CLASP1: variants seen among roughly 807,000 people sequenced by gnomAD.
CLASP1 encodes the protein cytoplasmic linker associated protein 1, also known as CLIP-associating protein 1.
A neutral mutation model predicts 192.3 loss-of-function variants in CLASP1; 38 were observed. That is an observed-to-expected ratio of 0.20 (90% CI 0.15 to 0.26). CLASP1 has a LOEUF of 0.26. Among genes scored for constraint, CLASP1 ranks in the 10% least tolerant of loss-of-function variants. The probability of loss-of-function intolerance (pLI) is 1.00; values close to 1 mark genes in which losing one functional copy is unlikely to be tolerated. For missense variants in CLASP1, 1,433 were observed against 1,932.5 expected (o/e 0.74, Z 4.85); for synonymous variants, 691 against 712.8 (o/e 0.97, Z 0.49).
chr2:121,371,897 C>T (rs925490239), intron 34 of CLASP1, among the ~76,000 whole-genome samples: 7 of 152,194 alleles, frequency 4.6e-5, no homozygotes, highest in African/African-American at 1.7e-4. Context: ...TATTTCTCTC[C>T]AGTTTGTTCC....
chr2:121,566,876 G>C (rs571866934), intron 2 of CLASP1, among the ~76,000 whole-genome samples: 1 of 152,246 alleles, frequency 6.6e-6, no homozygotes, highest in Admixed American at 6.5e-5. Flanking sequence ...GAACACCCTA[G>C]AAGCCTGCTC....
intron 2 of CLASP1, among the ~76,000 whole-genome samples, chr2:121,543,147 C>T (rs1440574530): frequency 6.6e-6 from 1 of 152,156 alleles, no homozygotes; most frequent in Non-Finnish European, 1.5e-5. Flanking sequence ...CAGTGCTGCT[C>T]TAGACCACTG....
At chr2:121,525,815 C>T (rs769018511) in intron 6 of CLASP1, 30 bp downstream of exon 6, 4 of 1,541,196 alleles carry the variant, frequency 2.6e-6, no homozygotes, top group Non-Finnish European at 3.6e-6. Flanking sequence ...TAAGCAATGA[C>T]TTCTCCCGAG....
chr2:121,492,302 T>C (rs1474744892), intron 8 of CLASP1, among the ~76,000 whole-genome samples: 2 of 141,148 alleles, frequency 1.4e-5, no homozygotes, highest in Non-Finnish European at 3.0e-5. Context: ...GGCAGTAGAA[T>C]GGTGAGAACC....
intron 30 of CLASP1, among the ~76,000 whole-genome samples, chr2:121,392,027 A>G (rs1411165485): frequency 6.6e-6 from 1 of 152,184 alleles, no homozygotes; most frequent in African/African-American, 2.4e-5. Context: ...ATTTTTTTAA[A>G]AGTCAACTAG....
chr2:121,627,936 G>A (rs2068694454), intron 1 of CLASP1, among the ~76,000 whole-genome samples: 2 of 152,010 alleles, frequency 1.3e-5, no homozygotes, highest in Non-Finnish European at 2.9e-5. Flanking sequence ...ATCAAATAAG[G>A]AATTTTATAC....
At chr2:121,365,354 C>A in intron 35 of CLASP1, 70 bp from the exon 37 acceptor site, 3 of 1,378,822 alleles carry the variant, frequency 2.2e-6, no homozygotes, top group Non-Finnish European at 3.0e-6. Flanking sequence ...CTCAGTGGTG[C>A]GCAGTGATCC....
rs750189159 is a variant in CLASP1 at position 121,543,156 on chromosome 2, T to C, written c.196-12831A>G. 2.1e-3 allele frequency among the ~76,000 whole-genome samples: 321 copies of C among 152,266 alleles called. 2 individuals carry two copies. The highest frequency in any genetic ancestry group is 3.0e-3 in the Non-Finnish European group (202 of 68,002). On this transcript the variant is annotated intron_variant, in intron 2 of 39. Transcript: ENST00000263710. ...ACTGGACAGTGCTGCTCTAGACCAC[T>C]GGCTGCAAACTCGGACACATAGGTA... is the stretch of plus-strand genomic sequence containing the variant.
At chr2:121,363,149 C>G in intron 37 of CLASP1, 23 bp downstream of exon 38, 1 of 1,613,752 alleles carries the variant, frequency 6.2e-7, no homozygotes, top group Non-Finnish European at 8.5e-7. Context: ...TGTTCAGCAC[C>G]CCTGGCCACA....
intron 1 of CLASP1, among the ~76,000 whole-genome samples, chr2:121,610,998 G>A (rs539686610): frequency 6.9e-6 from 1 of 145,000 alleles, no homozygotes; most frequent in Non-Finnish European, 1.5e-5. Context: ...TGGAGGAGGA[G>A]GAGTTGGAGG....
At chr2:121,497,760 C>T (rs1575472542) in intron 8 of CLASP1, among the ~76,000 whole-genome samples, 1 of 152,128 alleles carries the variant, frequency 6.6e-6, no homozygotes, top group African/African-American at 2.4e-5. Context: ...TGCTCTGTCA[C>T]CCAGGCTGGA....
chr2:121,540,044 T>C (rs984488483), intron 2 of CLASP1, among the ~76,000 whole-genome samples: 5 of 152,232 alleles, frequency 3.3e-5, no homozygotes, highest in Admixed American at 2.6e-4. Context: ...AGAAAACATA[T>C]TGGCATTAGC....
At chr2:121,398,777 A>T (rs1006744773) in intron 28 of CLASP1, among the ~76,000 whole-genome samples, 1 of 152,182 alleles carries the variant, frequency 6.6e-6, no homozygotes, top group Non-Finnish European at 1.5e-5. Context: ...TCATTTTTAC[A>T]TCCTGACCGG....
intron 37 of CLASP1, among the ~76,000 whole-genome samples, chr2:121,357,573 G>A (rs2065647127): frequency 6.6e-6 from 1 of 152,112 alleles, no homozygotes; most frequent in Non-Finnish European, 1.5e-5. Flanking sequence ...TCTTTCTGAA[G>A]CTACAAGAAC....
intron 2 of CLASP1, among the ~76,000 whole-genome samples, chr2:121,574,197 G>A (rs111301869): frequency 0.038 from 5,848 of 152,082 alleles, 157 homozygotes; most frequent in East Asian, 0.14. Flanking sequence ...GTGTGTTGGC[G>A]GGTGCCTATA....
chr2:121,420,822 G>C (rs1302913172), intron 22 of CLASP1, among the ~76,000 whole-genome samples: 1 of 152,132 alleles, frequency 6.6e-6, no homozygotes, highest in Non-Finnish European at 1.5e-5. Flanking sequence ...TCATATACAT[G>C]CTAGAACAAC....
At chr2:121,338,146 C>T (rs546928454) in exon 40 of CLASP1, 18 of 152,324 alleles carry the variant, frequency 1.2e-4, no homozygotes, top group African/African-American at 4.3e-4. Context: ...TAAAGTGTAA[C>T]ATTACGCTTG....
chr2:121,345,810 GC>G lies in CLASP1; in HGVS notation c.4530+1227del, dbSNP rs535158035. ...CCGGTTCTCAACCAGGGGTGATTCT[GC>G]CCCCCAGAGGGCATCTGGCCAGGTG... On this transcript the variant is annotated intron_variant, in intron 39 of 39. Transcript: ENST00000263710. Among the ~76,000 whole-genome samples the G allele has an allele frequency of 7.4e-4, 112 of 152,316 alleles. 2 individuals are homozygous for G. Among genetic ancestry groups the G allele is most frequent in the African/African-American group, 2.6e-3 (108 of 41,568 alleles).
At chr2:121,418,837 G>A (rs541097572) in intron 22 of CLASP1, 108 bp from the exon 23 acceptor site, 249 of 776,946 alleles carry the variant, frequency 3.2e-4, no homozygotes, top group Admixed American at 9.8e-4. Flanking sequence ...GACATTGTTC[G>A]CGCTGGGGAG....
Sources: allele counts gnomAD v4.1 joint callset (sites outside exome capture counted in the v4.1 genomes callset), GRCh38; gene constraint gnomAD v4.1.1; transcripts MANE v1.5; gene names NCBI Gene and HGNC (gene_info 2026-07-23, HGNC 2026-07-21).